The following ADAM22 variants were observed in gnomAD, a reference collection of about 807,000 sequenced individuals.
ADAM22 encodes the protein disintegrin and metalloproteinase domain-containing protein 22.
A neutral mutation model predicts 144.6 loss-of-function variants in ADAM22; 65 were observed. That is an observed-to-expected ratio of 0.45 (90% confidence interval 0.37 to 0.55). The LOEUF (loss-of-function observed/expected upper bound fraction) is 0.55. Ranked by LOEUF, ADAM22 falls within the 20% of genes least tolerant of loss-of-function variation. The probability of loss-of-function intolerance (pLI) is 0.00; values close to 1 mark genes in which losing one functional copy is unlikely to be tolerated. For missense variants in ADAM22, 974 were observed against 1,184.9 expected, an observed-to-expected ratio of 0.82 and a Z score of 2.61; for synonymous variants, 391 against 412.6, an observed-to-expected ratio of 0.95 and a Z score of 0.63.
At chr7:88,110,654 TC>T (rs1163473584) in intron 5 of ADAM22, among the ~76,000 whole-genome samples, 3 of 150,040 alleles carry the variant, frequency 2.0e-5, no homozygotes, top group Non-Finnish European at 3.0e-5. Context: ...TCTTTTCTTT[TC>T]TTTTTTTTCT....
chr7:87,952,091 G>A (rs1845381238), intron 2 of ADAM22, among the ~76,000 whole-genome samples: 1 of 151,396 alleles, frequency 6.6e-6, no homozygotes, highest in South Asian at 2.1e-4. Flanking sequence ...CTGCAAACAG[G>A]GACAATTTGA....
At chr7:87,937,904 A>G (rs569306082) in intron 2 of ADAM22, among the ~76,000 whole-genome samples, 36 of 152,354 alleles carry the variant, frequency 2.4e-4, no homozygotes, top group Non-Finnish European at 4.6e-4. Flanking sequence ...TAAGGTACAC[A>G]TAGTACATGT....
intron 3 of ADAM22, among the ~76,000 whole-genome samples, chr7:88,048,123 A>G (rs1805175647): frequency 1.3e-5 from 2 of 152,096 alleles, no homozygotes; most frequent in African/African-American, 2.4e-5. Flanking sequence ...ATCTGATAAT[A>G]TTTGTGCTGA....
At chr7:88,042,243 A>G (rs1803332625) in intron 3 of ADAM22, among the ~76,000 whole-genome samples, 1 of 152,092 alleles carries the variant, frequency 6.6e-6, no homozygotes, top group Non-Finnish European at 1.5e-5. Flanking sequence ...GAAAGATTCA[A>G]GTTTACTTCC....
At chr7:87,973,592 A>G (rs1851070070) in intron 2 of ADAM22, among the ~76,000 whole-genome samples, 1 of 152,182 alleles carries the variant, frequency 6.6e-6, no homozygotes, top group Non-Finnish European at 1.5e-5. Flanking sequence ...TACTGGGTAT[A>G]TACCCAAAGG....
At chr7:88,080,670 C>A (rs926221246) in intron 4 of ADAM22, among the ~76,000 whole-genome samples, 2 of 151,980 alleles carry the variant, frequency 1.3e-5, no homozygotes, top group African/African-American at 4.8e-5. Context: ...GGTGATATCT[C>A]CACCGATCCC....
At chr7:88,005,722 G>C (rs1289250249) in intron 3 of ADAM22, among the ~76,000 whole-genome samples, 2 of 152,090 alleles carry the variant, frequency 1.3e-5, no homozygotes, top group African/African-American at 2.4e-5. Context: ...ATGATACAAG[G>C]CTAGGTCCAG....
intron 23 of ADAM22, 53 bp from the exon 24 acceptor site, chr7:88,165,779 A>C: frequency 2.4e-6 from 3 of 1,255,444 alleles, no homozygotes; most frequent in Non-Finnish European, 2.2e-6. Context: ...TTTATTTTTC[A>C]TGCTTCTGTA....
chr7:88,136,633 C>G (rs746584816), intron 14 of ADAM22, among the ~76,000 whole-genome samples: 5 of 151,848 alleles, frequency 3.3e-5, no homozygotes, highest in Admixed American at 6.6e-5. Context: ...TTATTCCAAG[C>G]TTATCATTAC....
In ADAM22 at chr7:88,196,494, T is replaced by C; in HGVS notation, c.*3T>C. ...AGCTATGGGAGACATCCATTTAAGA[T>C]CAACTGTTTACATGTGATACATCGA... On this transcript the variant is annotated 3_prime_UTR_variant, in exon 32 of 32. Transcript: ENST00000413139. 1 of 1,614,130 alleles carries C rather than the reference T, an allele frequency of 6.2e-7. No homozygotes were observed. The highest frequency in any genetic ancestry group is 8.5e-7 in the Non-Finnish European group (1 of 1,180,012).
Position 88,145,433 on chromosome 7 carries a change from G to A in ADAM22, c.1411G>A (p.Ala471Thr). 1 of 1,613,582 alleles carries A rather than the reference G, an allele frequency of 6.2e-7. No individual in the cohort carries two copies. The highest frequency in any genetic ancestry group is 8.5e-7 in the Non-Finnish European group (1 of 1,179,604). The stretch of plus-strand genomic sequence containing the variant: ...TCCTTAGGAATGTGTCCTTGAAGGA[G>A]CAGAGTGTTGTAAGAAATGCACCTT... ...GTPAECVLEG[A>T]ECCKKCTLTQ... Residue 471 changes from alanine to threonine, a missense_variant, in exon 17 of 32, where the codon GCA becomes ACA. Physicochemically the swap from Ala to Thr is moderately conservative, Grantham distance 58. Coordinates refer to ENST00000413139, the MANE Select transcript of ADAM22 (RefSeq NM_001324418.2).
intron 3 of ADAM22, among the ~76,000 whole-genome samples, chr7:88,044,321 A>G (rs968756961): frequency 2.0e-4 from 30 of 152,244 alleles, no homozygotes; most frequent in Admixed American, 8.5e-4. Context: ...TAGAGTGCTC[A>G]GGAACTGCTA....
chr7:88,180,455 A>AT (rs1846714693), intron 27 of ADAM22, among the ~76,000 whole-genome samples: 2 of 152,048 alleles, frequency 1.3e-5, no homozygotes, highest in African/African-American at 4.8e-5. Context: ...AGAAATTCCA[A>AT]CCTAGGGAAT....
At chr7:88,035,569 T>A (rs1018714141) in intron 3 of ADAM22, among the ~76,000 whole-genome samples, 8 of 152,254 alleles carry the variant, frequency 5.3e-5, no homozygotes, top group African/African-American at 1.2e-4. Context: ...AGTATTTTTT[T>A]AAAAATTGGA....
chr7:88,009,838 T>C (rs1794954675), intron 3 of ADAM22, among the ~76,000 whole-genome samples: 1 of 152,166 alleles, frequency 6.6e-6, no homozygotes, highest in Non-Finnish European at 1.5e-5. Context: ...CCTTGTTTTG[T>C]TGATTGAGTC....
At chr7:87,966,721 G>GTTTTTTT (rs71120012) in intron 2 of ADAM22, among the ~76,000 whole-genome samples, 1,264 of 39,914 alleles carry the variant, frequency 0.032, 347 homozygotes, top group Non-Finnish European at 0.034. Context: ...AAGGAAAGCC[G>GTTTTTTT]TTTTTTTTTT....
chr7:88,094,904 G>A (rs976989998), intron 4 of ADAM22, among the ~76,000 whole-genome samples: 28 of 152,212 alleles, frequency 1.8e-4, no homozygotes, highest in Non-Finnish European at 4.1e-4. Flanking sequence ...GTGAGGGCTA[G>A]AAGGACCTAA....
intron 30 of ADAM22, among the ~76,000 whole-genome samples, chr7:88,191,032 C>T (rs1044047889): frequency 2.0e-5 from 3 of 152,188 alleles, no homozygotes; most frequent in African/African-American, 4.8e-5. Context: ...CCTCCAGGAC[C>T]CTTTCCCCTG....
At chr7:88,006,597 G>A (rs1201840) in intron 3 of ADAM22, among the ~76,000 whole-genome samples, 145,618 of 147,142 alleles carry the variant, frequency 0.99, 72,061 homozygotes, top group East Asian at 1. Flanking sequence ...CTGGTTCAAT[G>A]TATGCAAATC....
Sources: allele counts gnomAD v4.1 joint callset (sites outside exome capture counted in the v4.1 genomes callset), GRCh38; gene constraint gnomAD v4.1.1; transcripts MANE v1.5; gene names NCBI Gene and HGNC (gene_info 2026-07-23, HGNC 2026-07-21).